Variants in YAF2 observed in about 807,000 individuals in gnomAD.
YAF2 encodes the protein YY1 associated factor 2, also known as YY1-associated factor 2.
Under a neutral mutation model 20.1 loss-of-function variants are expected in YAF2, and 7 were observed. That is an observed-to-expected ratio of 0.35 (90% confidence interval 0.20 to 0.65). YAF2 has a LOEUF of 0.65. Among genes scored for constraint, YAF2 ranks in the 30% least tolerant of loss-of-function variants. The pLI is 0.69. For missense variants in YAF2, 151 were observed against 219.2 expected, an observed-to-expected ratio of 0.69 and a Z score of 1.96; for synonymous variants, 74 against 76.0, an observed-to-expected ratio of 0.97 and a Z score of 0.14.
intron 2 of YAF2, among the ~76,000 whole-genome samples, chr12:42,164,641 T>C (rs1269251173): frequency 6.6e-6 from 1 of 151,522 alleles, no homozygotes; most frequent in Non-Finnish European, 1.5e-5. Context: ...CACCAAAATA[T>C]ATGGTAAATT....
At chr12:42,235,773 T>C in intron 2 of YAF2, 2 of 1,534,698 alleles carry the variant, frequency 1.3e-6, no homozygotes, top group Non-Finnish European at 8.7e-7. Context: ...AAAAAAAAAA[T>C]GTCAGGGGCC....
intron 2 of YAF2, among the ~76,000 whole-genome samples, chr12:42,223,089 A>G (rs928874020): frequency 6.6e-6 from 1 of 152,172 alleles, no homozygotes; most frequent in African/African-American, 2.4e-5. Context: ...CAACCCTATG[A>G]GACTGGTGAA....
intron 2 of YAF2, among the ~76,000 whole-genome samples, chr12:42,183,420 T>C (rs568820598): frequency 6.6e-6 from 1 of 152,266 alleles, no homozygotes; most frequent in African/African-American, 2.4e-5. Context: ...TTAGCTAAGA[T>C]GTGACTATAA....
intron 2 of YAF2, chr12:42,236,097 A>C: frequency 7.0e-7 from 1 of 1,419,002 alleles, no homozygotes; most frequent in South Asian, 1.4e-5. Flanking sequence ...ATAGTACCAG[A>C]GATCAAGATT....
At chr12:42,227,992 T>G (rs1198323479) in intron 2 of YAF2, among the ~76,000 whole-genome samples, 1 of 98,796 alleles carries the variant, frequency 1.0e-5, no homozygotes, top group African/African-American at 4.1e-5. Flanking sequence ...GCCCCCCGCC[T>G]GGCCAGCCGC....
intron 2 of YAF2, chr12:42,233,522 G>GT (rs750202078): frequency 1.5e-5 from 15 of 973,556 alleles, no homozygotes; most frequent in Admixed American, 6.2e-5. Context: ...TCAGAATTTT[G>GT]TTTTTTTGAG....
At chr12:42,216,454 C>T (rs1460692774) in intron 2 of YAF2, among the ~76,000 whole-genome samples, 1 of 152,116 alleles carries the variant, frequency 6.6e-6, no homozygotes, top group Non-Finnish European at 1.5e-5. Context: ...TGTATTGTTA[C>T]ACTCTCCTGG....
At chr12:42,181,016 G>T (rs536627053) in intron 2 of YAF2, among the ~76,000 whole-genome samples, 2 of 152,172 alleles carry the variant, frequency 1.3e-5, no homozygotes, top group Non-Finnish European at 2.9e-5. Context: ...CATAATGGGA[G>T]GATGGCTTCT....
chr12:42,223,347 C>CAT (rs2067581200), intron 2 of YAF2, among the ~76,000 whole-genome samples: 1 of 151,792 alleles, frequency 6.6e-6, no homozygotes, highest in Non-Finnish European at 1.5e-5. Context: ...CACACACACA[C>CAT]ACACACACAT....
chr12:42,228,616 C>T (rs2067859896), intron 2 of YAF2, among the ~76,000 whole-genome samples: 1 of 90,398 alleles, frequency 1.1e-5, no homozygotes, highest in Non-Finnish European at 2.1e-5. Context: ...GTGGGGGTGT[C>T]AGCCCCCCGC....
At chr12:42,180,447 C>T (rs958874515) in intron 2 of YAF2, among the ~76,000 whole-genome samples, 3 of 152,132 alleles carry the variant, frequency 2.0e-5, no homozygotes, top group Admixed American at 6.5e-5. Context: ...TTCCTCCTGT[C>T]GGGACCCTTG....
At chr12:42,202,060 A>G (rs2066912949) in intron 2 of YAF2, among the ~76,000 whole-genome samples, 1 of 152,140 alleles carries the variant, frequency 6.6e-6, no homozygotes, top group African/African-American at 2.4e-5. Context: ...ATTTAATTCA[A>G]CTGGAATTTA....
At chr12:42,179,804 A>AG (rs1053713939) in intron 2 of YAF2, among the ~76,000 whole-genome samples, 15 of 151,860 alleles carry the variant, frequency 9.9e-5, no homozygotes, top group African/African-American at 3.6e-4. Context: ...AAAAAAAAAA[A>AG]AAAAAGAAAT....
At chr12:42,210,739 C>A in intron 2 of YAF2, 4 of 1,434,562 alleles carry the variant, frequency 2.8e-6, no homozygotes, top group Non-Finnish European at 2.8e-6. Flanking sequence ...CGTAGAACTA[C>A]AGAAGAAAGC....
intron 2 of YAF2, among the ~76,000 whole-genome samples, chr12:42,192,477 C>T (rs1255855489): frequency 6.6e-6 from 1 of 152,246 alleles, no homozygotes; most frequent in East Asian, 1.9e-4. Flanking sequence ...CCACTGCACT[C>T]TAGCCTGGGC....
At chr12:42,202,115 CT>C (rs1010588541) in intron 2 of YAF2, among the ~76,000 whole-genome samples, 1 of 152,072 alleles carries the variant, frequency 6.6e-6, no homozygotes, top group Non-Finnish European at 1.5e-5. Context: ...CCCCCCCCAT[CT>C]AGAAAACCAA....
chr12:42,174,872 T>C (rs1180295178), intron 2 of YAF2, among the ~76,000 whole-genome samples: 2 of 152,146 alleles, frequency 1.3e-5, no homozygotes, highest in African/African-American at 2.4e-5. Flanking sequence ...GATTATGACA[T>C]TGAAAGTAAT....
rs531343699 is a variant in YAF2 at position 42,178,897 on chromosome 12, T to A, written c.153-17132A>T. Among the ~76,000 whole-genome samples the A allele has an allele frequency of 2.7e-3, 414 of 152,048 alleles. 5 individuals are homozygous for A. The highest frequency in any genetic ancestry group is 7.8e-4 in the Non-Finnish European group (53 of 67,946). Reference sequence around the variant, plus strand: ...CATCTGAGGAGCTTTAAAAAAAAAATACCCCTTTAGCCAGGTGTGGTGGTG... The same window carrying A: ...CATCTGAGGAGCTTTAAAAAAAAAAAACCCCTTTAGCCAGGTGTGGTGGTG... On this transcript the variant is annotated intron_variant, in intron 2 of 3. Coordinates refer to ENST00000534854, the MANE Select transcript of YAF2 (RefSeq NM_005748.6).
intron 2 of YAF2, among the ~76,000 whole-genome samples, chr12:42,197,265 T>C (rs1219618784): frequency 1.3e-5 from 2 of 152,196 alleles, no homozygotes; most frequent in Non-Finnish European, 2.9e-5. Flanking sequence ...TGTTCTTCCT[T>C]TGGCTATGAA....
Sources: gnomAD v4.1 joint callset for allele counts (sites outside exome capture counted in the v4.1 genomes callset) on GRCh38, gnomAD v4.1.1 for gene constraint, MANE v1.5 for transcripts, NCBI Gene and HGNC (gene_info 2026-07-23, HGNC 2026-07-21) for gene names.